OR52I2: variants seen among roughly 807,000 people sequenced by gnomAD.
OR52I2 encodes the protein olfactory receptor family 52 subfamily I member 2.
For missense variants in OR52I2, 350 were observed against 402.4 expected (o/e 0.87, Z 1.11); for synonymous variants, 147 against 151.9 (o/e 0.97, Z 0.24).
chr11:4,588,770 AAAGTG>A (rs1423299470), exon 2 of OR52I2: 3 of 152,336 alleles, frequency 2.0e-5, no homozygotes, highest in South Asian at 2.1e-4. Flanking sequence ...GTTCTACCAT[AAAGTG>A]AAGTGAAATA....
intron 1 of OR52I2, among the ~76,000 whole-genome samples, chr11:4,585,808 CTCATT>C (rs1846295744): frequency 6.6e-6 from 1 of 152,172 alleles, no homozygotes; most frequent in Admixed American, 6.5e-5. Context: ...AATATTTAAT[CTCATT>C]TAAGTTATAC....
exon 2 of OR52I2, chr11:4,587,226 A>T: frequency 6.2e-7 from 1 of 1,614,112 alleles, no homozygotes; most frequent in Non-Finnish European, 8.5e-7. Flanking sequence ...ACTTAGCCAC[A>T]GCTGTGGAGA....
At chr11:4,584,549 TG>T (rs1846284236) in intron 1 of OR52I2, among the ~76,000 whole-genome samples, 1 of 152,188 alleles carries the variant, frequency 6.6e-6, no homozygotes, top group Non-Finnish European at 1.5e-5. Flanking sequence ...TGGCAAGAGT[TG>T]TTATATGACA....
At chr11:4,585,703 G>GTCT (rs1404908183) in intron 1 of OR52I2, among the ~76,000 whole-genome samples, 1 of 152,160 alleles carries the variant, frequency 6.6e-6, no homozygotes, top group African/African-American at 2.4e-5. Context: ...ATCCACAGTT[G>GTCT]TCTTCTTGAC....
chr11:4,589,261 A>T (rs1381491225), exon 2 of OR52I2: 1 of 152,236 alleles, frequency 6.6e-6, no homozygotes, highest in Non-Finnish European at 1.5e-5. Context: ...GAGGGCCCCA[A>T]TGAGAAGTCT....
At chr11:4,587,293 C>T in exon 2 of OR52I2, 2 of 1,613,868 alleles carry the variant, frequency 1.2e-6, no homozygotes, top group Non-Finnish European at 1.7e-6. Context: ...CAAGCCTCTA[C>T]ACTACAAGAG....
At chr11:4,587,949 C>A in exon 2 of OR52I2, 1 of 1,110,744 alleles carries the variant, frequency 9.0e-7, no homozygotes, top group Non-Finnish European at 1.3e-6. Flanking sequence ...TACAGGAATT[C>A]TAAGATGAAG....
chr11:4,590,563 C>T (rs1474935690), exon 2 of OR52I2: 1 of 152,170 alleles, frequency 6.6e-6, no homozygotes, highest in Admixed American at 6.5e-5. Flanking sequence ...AGGGCTGAGG[C>T]CTCAGCATCA....
chr11:4,588,235 G>T (rs16917170), exon 2 of OR52I2: 3,151 of 227,218 alleles, frequency 0.014, 93 homozygotes, highest in African/African-American at 0.066. Flanking sequence ...TTCTCTTCAT[G>T]AACAGCTATG....
Position 4,584,318 on chromosome 11 carries a change from C to T in OR52I2, c.-20+2454C>T, listed in dbSNP as rs773960797. Reference sequence around the variant, plus strand: ...TACTAGGCTGAGGCCTTGAGAGATACAAATTAGAACCATGAGGGTTTGAGA... The same window carrying T: ...TACTAGGCTGAGGCCTTGAGAGATATAAATTAGAACCATGAGGGTTTGAGA... On this transcript the variant is annotated intron_variant, in intron 1 of 1. Transcript: ENST00000641896. Among the ~76,000 whole-genome samples the T allele has an allele frequency of 1.4e-4, 22 of 152,162 alleles. 1 individual carries two copies. Among genetic ancestry groups the T allele is most frequent in the African/African-American group, 5.3e-4 (22 of 41,436 alleles).
At chr11:4,590,138 T>C (rs553802276) in exon 2 of OR52I2, 2 of 152,352 alleles carry the variant, frequency 1.3e-5, no homozygotes, top group South Asian at 2.1e-4. Context: ...GTAGTGCCTA[T>C]GTAGGTGTGT....
Position 4,586,963 on chromosome 11 carries a change from C to A in OR52I2, c.73C>A (p.Gln25Lys), listed in dbSNP as rs1168724804. Residue 25 changes from glutamine to lysine, a missense_variant, in exon 2 of 2, where the codon CAA (glutamine) becomes AAA (lysine). By Grantham distance (53) the Gln-to-Lys change is moderately conservative (BLOSUM62 1). Coordinates refer to ENST00000641896, the Ensembl canonical transcript of OR52I2. The stretch of plus-strand genomic sequence containing the variant: ...CCTCCTTGTGGGTATCCCAGGACTG[C>A]AATCTTCACATCTTTGGCTGGCTAT... 4 of 1,614,056 alleles carry A rather than the reference C, an allele frequency of 2.5e-6. No homozygotes were observed. The African/African-American group carries it at 4.0e-5, about 16-fold the overall frequency.
chr11:4,591,806 G>A (rs769502972), exon 2 of OR52I2: 3 of 152,100 alleles, frequency 2.0e-5, no homozygotes, highest in Non-Finnish European at 4.4e-5. Context: ...ATTAGAGATG[G>A]GTTGTAGGAA....
At position 4,591,328 on chromosome 11, in the gene OR52I2, C is replaced by G. The variant is rs187908106; in HGVS notation, c.*3463C>G. On this transcript the variant is annotated 3_prime_UTR_variant, in exon 2 of 2. Transcript: ENST00000641896. Reference sequence around the variant, plus strand: ...TATGGTAACTTCTCACGATGAAAGTCCTTTTTTTCAGGAGAGGCACAGGAA... The same window carrying G: ...TATGGTAACTTCTCACGATGAAAGTGCTTTTTTTCAGGAGAGGCACAGGAA... 3.3e-5 allele frequency: 5 copies of G among 152,290 alleles called. No homozygotes were observed. In the East Asian group the frequency reaches 9.6e-4, roughly 29 times the overall value. 9.4% of individuals were successfully genotyped at this position (152,290 alleles called of 1,614,324 possible).
intron 1 of OR52I2, among the ~76,000 whole-genome samples, chr11:4,585,382 C>T (rs1022002843): frequency 1.3e-5 from 2 of 152,190 alleles, no homozygotes; most frequent in Admixed American, 6.5e-5. Flanking sequence ...AGTATTCTCA[C>T]ATGGCTGGGA....
At chr11:4,582,410 T>C (rs1362094424) in intron 1 of OR52I2, among the ~76,000 whole-genome samples, 1 of 150,704 alleles carries the variant, frequency 6.6e-6, no homozygotes, top group African/African-American at 2.4e-5. Flanking sequence ...AGAAACTTTT[T>C]ATTTTTATAT....
chr11:4,589,876 C>T (rs1846338326), exon 2 of OR52I2: 1 of 152,120 alleles, frequency 6.6e-6, no homozygotes, highest in South Asian at 2.1e-4. Context: ...ATGTATTCCT[C>T]ACTCTTTTAA....
intron 1 of OR52I2, among the ~76,000 whole-genome samples, chr11:4,582,433 C>CT (rs1564859030): frequency 2.1e-4 from 16 of 74,660 alleles, no homozygotes; most frequent in African/African-American, 5.4e-4. Flanking sequence ...ATTTATTTTT[C>CT]ATTTTTTTTT....
At chr11:4,587,815 T>A in exon 2 of OR52I2, 1 of 1,614,072 alleles carries the variant, frequency 6.2e-7, no homozygotes, top group Non-Finnish European at 8.5e-7. Flanking sequence ...GGAGAGAATA[T>A]GGAGTTATCT....
Sources: gnomAD v4.1 joint callset for allele counts (sites outside exome capture counted in the v4.1 genomes callset) on GRCh38, gnomAD v4.1.1 for gene constraint, MANE v1.5 for transcripts, NCBI Gene and HGNC (gene_info 2026-07-23, HGNC 2026-07-21) for gene names.